CAMSAP2: variants seen among roughly 807,000 people sequenced by gnomAD.
CAMSAP2 encodes calmodulin regulated spectrin associated protein family member 2.
CAMSAP2 carries 26 observed loss-of-function variants against 146.1 expected under a neutral mutation model. That is an observed-to-expected ratio of 0.18 (90% confidence interval 0.13 to 0.25). The LOEUF (loss-of-function observed/expected upper bound fraction) is 0.25, where lower values mean the gene tolerates loss of function less well. Among genes scored for constraint, CAMSAP2 ranks in the 10% least tolerant of loss-of-function variants. The pLI, the probability that CAMSAP2 is intolerant of heterozygous loss-of-function variation, is 1.00. For synonymous variants in CAMSAP2, 499 were observed against 596.6 expected (o/e 0.84, Z 2.38); for missense variants, 1,381 against 1,759.3 (o/e 0.78, Z 3.85).
rs1171303372 is a variant in CAMSAP2 at position 200,853,835 on chromosome 1, A to T, written c.3823+340A>T. Among the ~76,000 whole-genome samples the T allele has an allele frequency of 2.0e-5, 3 of 152,250 alleles. No homozygotes were observed. Among genetic ancestry groups the T allele is most frequent in the Non-Finnish European group, 4.4e-5 (3 of 68,050 alleles). On this transcript the variant is annotated intron_variant, in intron 13 of 16. Coordinates refer to ENST00000358823, the MANE Select transcript of CAMSAP2 (RefSeq NM_203459.4). The surrounding 1 kb of genome is among the most constrained non-coding windows in gnomAD (Gnocchi z 5.1). ...AAATGTTATATGCATGAAATGTACA[A>T]GAAACATGTTGGTATAATAAGGAAT... is the stretch of plus-strand genomic sequence containing the variant.
At chr1:200,768,319 A>T (rs1477312799) in intron 2 of CAMSAP2, among the ~76,000 whole-genome samples, 2 of 152,174 alleles carry the variant, frequency 1.3e-5, no homozygotes, top group East Asian at 3.8e-4. Flanking sequence ...GTGTGAGAGC[A>T]TGGTGACCCT....
rs376405211 is a variant in CAMSAP2, at chr1:200,852,579, G to A, written c.3504G>A (p.Arg1168=). The A allele has an allele frequency of 9.3e-6, 15 of 1,613,508 alleles. No homozygotes were observed. Among genetic ancestry groups the A allele is most frequent in the Middle Eastern group, 3.3e-4 (2 of 6,080 alleles). ...QKAENDMAMK[R]AALLEKRLRR... ...CAGAAAATGATATGGCAATGAAACG[G>A]GCAGCTTTGTTGGAGAAAAGATTAA... is the stretch of plus-strand genomic sequence containing the variant. Residue 1168 remains arginine (R), a synonymous_variant, in exon 12 of 17, where the codon CGG becomes CGA. Transcript: ENST00000358823.
chr1:200,817,211 T>TACACACATATGTGTGTGTATATACACAC (rs1666611465), intron 4 of CAMSAP2, among the ~76,000 whole-genome samples: 1 of 56,140 alleles, frequency 1.8e-5, no homozygotes, highest in Non-Finnish European at 3.3e-5. Context: ...TATACACACA[T>TACACACATATGTGTGTGTATATACACAC]ACACACATAT....
chr1:200,850,049 A>T lies in CAMSAP2; in HGVS notation c.3280A>T (p.Thr1094Ser), dbSNP rs1301370352. The T allele has an allele frequency of 1.2e-6, 2 of 1,612,216 alleles. No individual in the cohort carries two copies. The highest frequency in any genetic ancestry group is 2.7e-5 in the African/African-American group (2 of 74,932). ...AAATGAGGACCAATTGAATCAACCC[A>T]CAGAACCCCCTCCTAAACCCGTTTT... ...TPNEDQLNQP[T>S]EPPPKPVFPP... Residue 1094 changes from threonine (T) to serine (S), a missense_variant, in exon 11 of 17, where the codon ACA (threonine) becomes TCA (serine). Physicochemically the swap from Thr to Ser is moderately conservative, Grantham distance 58. Around this residue, in one of 4 missense-constraint regions of CAMSAP2, gnomAD observed 560 missense variants for 715.9 expected, o/e 0.78. Transcript: ENST00000358823.
At chr1:200,746,722 C>T (rs1329615168) in intron 1 of CAMSAP2, among the ~76,000 whole-genome samples, 2 of 151,806 alleles carry the variant, frequency 1.3e-5, no homozygotes, top group Admixed American at 1.3e-4. Flanking sequence ...GGGTTCTCGC[C>T]ATTCTCCTGC....
chr1:200,834,656 A>T (rs527688205), intron 6 of CAMSAP2, among the ~76,000 whole-genome samples: 12 of 152,094 alleles, frequency 7.9e-5, no homozygotes, highest in Admixed American at 4.6e-4. Context: ...GCTCATGCCT[A>T]TAATCCCAGC....
chr1:200,760,340 G>A lies in CAMSAP2; in HGVS notation c.140-499G>A, dbSNP rs10920021. On this transcript the variant is annotated intron_variant, in intron 1 of 16. Transcript: ENST00000358823. ...AGGGAGAGACGGCAGAGGTCTTGAG[G>A]CAAAGAGATAGAATAAGTTAGGCAG... 1.0e-2 allele frequency among the ~76,000 whole-genome samples: 1,519 copies of A among 152,256 alleles called. 24 individuals are homozygous for A. Among genetic ancestry groups the A allele is most frequent in the African/African-American group, 0.033 (1,366 of 41,530 alleles).
At chr1:200,747,731 C>G (rs1664375283) in intron 1 of CAMSAP2, among the ~76,000 whole-genome samples, 1 of 152,038 alleles carries the variant, frequency 6.6e-6, no homozygotes, top group Admixed American at 6.6e-5. Context: ...GCTGTAGCGG[C>G]CGGGCGCGGT....
chr1:200,826,724 A>G (rs1251134399), intron 4 of CAMSAP2, among the ~76,000 whole-genome samples: 2 of 152,200 alleles, frequency 1.3e-5, no homozygotes, highest in African/African-American at 2.4e-5. Context: ...TATAAAGACA[A>G]TTGAAAGGAA....
intron 1 of CAMSAP2, among the ~76,000 whole-genome samples, chr1:200,753,538 A>G (rs1306496661): frequency 6.6e-6 from 1 of 152,096 alleles, no homozygotes; most frequent in African/African-American, 2.4e-5. Context: ...GACTGGGACA[A>G]TGATGAGATC....
At chr1:200,744,610 A>C (rs541095916) in intron 1 of CAMSAP2, among the ~76,000 whole-genome samples, 1 of 152,362 alleles carries the variant, frequency 6.6e-6, no homozygotes, top group East Asian at 1.9e-4. Context: ...TAAGAGTCAT[A>C]TAATTGGAAA....
chr1:200,807,642 G>T, intron 3 of CAMSAP2, 105 bp downstream of exon 3: 1 of 765,036 alleles, frequency 1.3e-6, no homozygotes. Context: ...AAATCAAAGT[G>T]CAAACTTAAG....
At chr1:200,817,088 A>G (rs1388440411) in intron 4 of CAMSAP2, among the ~76,000 whole-genome samples, 22 of 144,144 alleles carry the variant, frequency 1.5e-4, no homozygotes, top group African/African-American at 5.3e-4. Flanking sequence ...ATACACACAC[A>G]CGTATATATG....
chr1:200,830,123 A>G (rs1667005240), intron 4 of CAMSAP2, among the ~76,000 whole-genome samples: 1 of 152,112 alleles, frequency 6.6e-6, no homozygotes, highest in Admixed American at 6.5e-5. Context: ...AGTACAAAAG[A>G]CTCTTTCATG....
intron 4 of CAMSAP2, among the ~76,000 whole-genome samples, chr1:200,829,998 A>G (rs903276394): frequency 3.9e-5 from 6 of 152,174 alleles, no homozygotes; most frequent in African/African-American, 1.4e-4. Context: ...TAAATATACC[A>G]TAATGTTGAA....
chr1:200,851,969 C>CTCTCAAATT (rs1250001928), intron 11 of CAMSAP2, among the ~76,000 whole-genome samples: 1 of 152,190 alleles, frequency 6.6e-6, no homozygotes, highest in African/African-American at 2.4e-5. Context: ...AATGAACTAG[C>CTCTCAAATT]TCTCAAATTA....
intron 1 of CAMSAP2, among the ~76,000 whole-genome samples, chr1:200,744,741 C>T (rs1173196047): frequency 6.6e-6 from 1 of 152,042 alleles, no homozygotes; most frequent in Non-Finnish European, 1.5e-5. Context: ...GGTATTTAAG[C>T]TATAGGCTGA....
chr1:200,857,541 A>T lies in CAMSAP2; in HGVS notation c.4131+117A>T, dbSNP rs895719037. ...ACAGCATGTAAAAAGATCTGTAGCTAGATGTTTTAATTATCAGATTTAGTT... is the reference window on the plus strand; with the variant it reads ...ACAGCATGTAAAAAGATCTGTAGCTTGATGTTTTAATTATCAGATTTAGTT... On this transcript the variant is annotated intron_variant, in intron 16 of 16. Coordinates refer to ENST00000358823, the MANE Select transcript of CAMSAP2 (RefSeq NM_203459.4). The surrounding 1 kb of genome is among the most constrained non-coding windows in gnomAD (Gnocchi z 4.7). 4.9e-6 allele frequency: 4 copies of T among 812,380 alleles called. No homozygotes were observed. Among genetic ancestry groups the T allele is most frequent in the Non-Finnish European group, 7.9e-6 (4 of 508,048 alleles). 50.3% of individuals were successfully genotyped at this position (812,380 alleles called of 1,614,324 possible). A position where few individuals can be genotyped will look rare whatever the true frequency, so the allele number is the denominator to read the frequency against.
chr1:200,834,143 C>A (rs1466612495), intron 6 of CAMSAP2, among the ~76,000 whole-genome samples: 1 of 152,096 alleles, frequency 6.6e-6, no homozygotes, highest in African/African-American at 2.4e-5. Context: ...GTGGGCAGAT[C>A]ACTGAGGCGA....
Sources: allele counts gnomAD v4.1 joint callset (sites outside exome capture counted in the v4.1 genomes callset), GRCh38; gene constraint gnomAD v4.1.1; regional missense constraint gnomAD v4.1.1; non-coding constraint Gnocchi (gnomAD v3.1); transcripts MANE v1.5; gene names NCBI Gene and HGNC (gene_info 2026-07-23, HGNC 2026-07-21).